Variants in MTHFD1 observed in about 807,000 individuals in gnomAD.
The protein encoded by MTHFD1 is C-1-tetrahydrofolate synthase, cytoplasmic.
Under a neutral mutation model 110.3 loss-of-function variants are expected in MTHFD1, and 44 were observed. The observed-to-expected ratio is 0.40, with a 90% CI of 0.31 to 0.51. MTHFD1 has a LOEUF of 0.51. Among genes scored for constraint, MTHFD1 ranks in the 20% least tolerant of loss-of-function variants. MTHFD1 has a pLI of 0.60. For synonymous variants in MTHFD1, 402 were observed against 428.8 expected (o/e 0.94, Z 0.77); for missense variants, 909 against 1,173.1 (o/e 0.77, Z 3.29).
intron 1 of MTHFD1, among the ~76,000 whole-genome samples, chr14:64,394,164 A>G (rs1163370271): frequency 6.6e-6 from 1 of 152,100 alleles, no homozygotes; most frequent in Non-Finnish European, 1.5e-5. Flanking sequence ...GTGGGTGGCT[A>G]AAGGTGCCAC....
chr14:64,440,148 C>T lies in MTHFD1; in HGVS notation c.1697C>T (p.Ala566Val), dbSNP rs751861753. The change falls in exon 18 of 28, where the codon GCC becomes GTC. Residue 566 changes from alanine to valine, a missense_variant. Around this residue, in one of 3 missense-constraint regions of MTHFD1, gnomAD observed 482 missense variants for 646.0 expected, o/e 0.75. Coordinates refer to ENST00000652337, the MANE Select transcript of MTHFD1 (RefSeq NM_005956.4). ...TRTAQFDISV[A>V]SEIMAVLALT... is the part of the protein sequence containing the mutation. ...CAGGCCCAGTTTGATATCTCTGTGG[C>T]CAGTGAAATTATGGCTGTCCTGGCT... 6.2e-7 allele frequency: 1 copy of T among 1,613,872 alleles called. No individual in the cohort carries two copies. The highest frequency in any genetic ancestry group is 8.5e-7 in the Non-Finnish European group (1 of 1,180,002).
At position 64,396,502 on chromosome 14, in the gene MTHFD1, G is replaced by A. The variant is rs1015214542; in HGVS notation, c.42-4291G>A. On this transcript the variant is annotated intron_variant, in intron 1 of 27. Coordinates refer to ENST00000652337, the MANE Select transcript of MTHFD1 (RefSeq NM_005956.4). Reference sequence around the variant, plus strand: ...TGCCTCCCGGGTTCAAGCGATTCCCGTGCCTCAGCCTCCCGAGTAGCTGGG... The same window carrying A: ...TGCCTCCCGGGTTCAAGCGATTCCCATGCCTCAGCCTCCCGAGTAGCTGGG... Among the ~76,000 whole-genome samples, 6 of 145,730 alleles carry A rather than the reference G, an allele frequency of 4.1e-5. No individual in the cohort carries two copies. In the East Asian group the frequency reaches 8.1e-4, roughly 20 times the overall value.
intron 24 of MTHFD1, among the ~76,000 whole-genome samples, chr14:64,452,371 TA>T (rs1410981816): frequency 6.6e-6 from 1 of 152,272 alleles, no homozygotes; most frequent in Non-Finnish European, 1.5e-5. Context: ...CTAATTTTTG[TA>T]ATTTGCTCAT....
chr14:64,412,428 C>G, intron 3 of MTHFD1, 44 bp from the exon 4 acceptor site: 1 of 1,445,710 alleles, frequency 6.9e-7, no homozygotes, highest in Non-Finnish European at 9.7e-7. Flanking sequence ...TTCAATATCT[C>G]AAGTTGTCTT....
In MTHFD1 at chr14:64,431,585, C is replaced by T. The variant is rs747837982; in HGVS notation, c.1365C>T (p.Leu455=). ...ATGCCATCACTGCAGCTAATAACCT[C>T]GTTGCTGCGGCCATTGATGCTCGGA... ...DIHAITAANN[L]VAAAIDARIF... is the part of the protein sequence containing the mutation. Residue 455 remains leucine (L), a synonymous_variant, in exon 14 of 28, where the codon CTC becomes CTT. Coordinates refer to ENST00000652337, the MANE Select transcript of MTHFD1 (RefSeq NM_005956.4). The T allele has an allele frequency of 1.4e-5, 23 of 1,614,026 alleles. No individual in the cohort carries two copies. Among genetic ancestry groups the T allele is most frequent in the Non-Finnish European group, 1.9e-5 (22 of 1,180,034 alleles).
At chr14:64,445,572 C>A (rs2078283409) in intron 22 of MTHFD1, among the ~76,000 whole-genome samples, 1 of 152,172 alleles carries the variant, frequency 6.6e-6, no homozygotes, top group Admixed American at 6.5e-5. Flanking sequence ...AATTATCAAG[C>A]AATACAGGGT....
chr14:64,428,841 C>T (rs1278765440), intron 12 of MTHFD1, among the ~76,000 whole-genome samples: 7 of 151,800 alleles, frequency 4.6e-5, no homozygotes, highest in South Asian at 2.1e-4. Flanking sequence ...CATGAGCCAC[C>T]GTGCCCAGCC....
intron 26 of MTHFD1, 59 bp downstream of exon 26, chr14:64,454,934 T>A (rs766020986): frequency 1.8e-5 from 29 of 1,569,238 alleles, no homozygotes; most frequent in African/African-American, 2.7e-5. Context: ...TGAAGTGTGT[T>A]GCCGAAACCA....
intron 23 of MTHFD1, 139 bp downstream of exon 23, chr14:64,448,456 G>C: frequency 1.3e-6 from 1 of 745,826 alleles, no homozygotes; most frequent in Non-Finnish European, 2.4e-6. Context: ...CACTGTGACA[G>C]GCATTGCATA....
chr14:64,443,617 C>T (rs1440003550), intron 21 of MTHFD1, among the ~76,000 whole-genome samples: 1 of 152,210 alleles, frequency 6.6e-6, no homozygotes, highest in Non-Finnish European at 1.5e-5. Context: ...CCCAGCACCC[C>T]TATCCAGTCT....
intron 21 of MTHFD1, among the ~76,000 whole-genome samples, chr14:64,443,734 C>T (rs2140976966): frequency 6.6e-6 from 1 of 152,304 alleles, no homozygotes; most frequent in South Asian, 2.1e-4. Context: ...ACATTCCTCT[C>T]TCTTACACCC....
chr14:64,435,051 G>A (rs915560214), intron 15 of MTHFD1, among the ~76,000 whole-genome samples: 1 of 137,768 alleles, frequency 7.3e-6, no homozygotes, highest in Non-Finnish European at 1.5e-5. Context: ...CTGGGTTCAA[G>A]CAGTTCTGCT....
rs573623933 is a variant in MTHFD1, at chr14:64,432,031, C to T, written c.1494+170C>T. Among the ~76,000 whole-genome samples the T allele has an allele frequency of 3.0e-4, 46 of 152,266 alleles. No homozygotes were observed. The South Asian group carries it at 3.1e-3, about 10-fold the overall frequency. ...CAAAGATGGATGGTAGAGGTTATTTCTCATTTATCTATAGATTAGAAGTGG... is the reference window on the plus strand; with the variant it reads ...CAAAGATGGATGGTAGAGGTTATTTTTCATTTATCTATAGATTAGAAGTGG... On this transcript the variant is annotated intron_variant, in intron 15 of 27. Transcript: ENST00000652337.
Position 64,417,175 on chromosome 14 carries a change from A to G in MTHFD1, c.479-713A>G, listed in dbSNP as rs1315956414. On this transcript the variant is annotated intron_variant, in intron 6 of 27. Transcript: ENST00000652337. This position sits in a 1 kb window ranked among gnomAD's most constrained non-coding sequence, Gnocchi z 4.4. ...CAGCCTGGTTCCATCCTCATGCCTAACAGTCATGGGATTGGATCTTATCAG... is the reference window on the plus strand; with the variant it reads ...CAGCCTGGTTCCATCCTCATGCCTAGCAGTCATGGGATTGGATCTTATCAG... Among the ~76,000 whole-genome samples the G allele has an allele frequency of 9.2e-5, 14 of 152,126 alleles. No homozygotes were observed.
chr14:64,411,440 C>G (rs542246689), intron 3 of MTHFD1, among the ~76,000 whole-genome samples: 1 of 152,156 alleles, frequency 6.6e-6, no homozygotes, highest in African/African-American at 2.4e-5. Flanking sequence ...TAAGGACACA[C>G]CTGGGAGACA....
rs201368489 is a variant in MTHFD1 at position 64,414,689 on chromosome 14, C to T, written c.241-669C>T. 2.1e-4 allele frequency among the ~76,000 whole-genome samples: 28 copies of T among 135,108 alleles called. No homozygotes were observed. The East Asian group carries it at 4.1e-3, about 20-fold the overall frequency. 88.6% of individuals were successfully genotyped at this position (135,108 alleles called of 152,430 possible). A position where few individuals can be genotyped will look rare whatever the true frequency, so the allele number is the denominator to read the frequency against. On this transcript the variant is annotated intron_variant, in intron 4 of 27. Coordinates refer to ENST00000652337, the MANE Select transcript of MTHFD1 (RefSeq NM_005956.4). The stretch of plus-strand genomic sequence containing the variant: ...TTTTTTTTTTTGAGGTGGAGTTTCA[C>T]TATTGTTGCCCAGGCTGGAGTGCAA...
At chr14:64,409,442 TA>T (rs2077964521) in intron 2 of MTHFD1, among the ~76,000 whole-genome samples, 1 of 152,216 alleles carries the variant, frequency 6.6e-6, no homozygotes, top group African/African-American at 2.4e-5. Flanking sequence ...ATCTCAGAGT[TA>T]AGACTAAATA....
At chr14:64,458,147 C>G in intron 26 of MTHFD1, 67 bp from the exon 27 acceptor site, 1 of 1,273,544 alleles carries the variant, frequency 7.9e-7, no homozygotes, top group South Asian at 1.2e-5. Flanking sequence ...CCACCTCAGC[C>G]TGGGATTATA....
chr14:64,440,298 A>G (rs778555193), intron 18 of MTHFD1, 32 bp downstream of exon 18: 9 of 1,614,098 alleles, frequency 5.6e-6, no homozygotes, highest in South Asian at 5.5e-5. Context: ...GCTTGGCGAC[A>G]TATCTGTGTC....
Sources: allele counts gnomAD v4.1 joint callset (sites outside exome capture counted in the v4.1 genomes callset), GRCh38; gene constraint gnomAD v4.1.1; regional missense constraint gnomAD v4.1.1; non-coding constraint Gnocchi (gnomAD v3.1); transcripts MANE v1.5; gene names NCBI Gene and HGNC (gene_info 2026-07-23, HGNC 2026-07-21).